Variants in INKA2 observed in about 807,000 individuals in gnomAD.
INKA2 encodes PAK4-inhibitor INKA2.
INKA2 carries 3 observed loss-of-function variants against 9.8 expected under a neutral mutation model. That is an observed-to-expected ratio of 0.31 (90% CI 0.14 to 0.79). The LOEUF is 0.79. INKA2 is among the 30% of genes least tolerant of loss of function. The pLI is 0.62. For missense variants in INKA2, 392 were observed against 384.4 expected (o/e 1.02, Z -0.17); for synonymous variants, 147 against 143.3 (o/e 1.03, Z -0.18).
intron 1 of INKA2, chr1:111,746,611 G>A (rs920175071): frequency 6.6e-6 from 1 of 152,248 alleles, no homozygotes; most frequent in African/African-American, 2.4e-5. Context: ...ATCAGGGCAT[G>A]TGGCCTCACA....
At position 111,725,390 on chromosome 1, in the gene INKA2, G is replaced by C. The variant is rs926098147; in HGVS notation, c.*1578C>G. The C allele has an allele frequency of 6.6e-6, 1 of 152,242 alleles. No homozygotes were observed. 9.4% of individuals were successfully genotyped at this position (152,242 alleles called of 1,614,324 possible). A position where few individuals can be genotyped will look rare whatever the true frequency, so the allele number is the denominator to read the frequency against. ...GTGAGTGTTCCCTACTGGAGTGGGA[G>C]GGACAGTGGCTTCCCAGGGCAGTCC... On this transcript the variant is annotated 3_prime_UTR_variant, in exon 2 of 2. Coordinates refer to ENST00000357260, the MANE Select transcript of INKA2 (RefSeq NM_019099.5).
Position 111,727,150 on chromosome 1 carries a change from G to C in INKA2, c.712C>G (p.Pro238Ala), listed in dbSNP as rs201410445. The change falls in exon 2 of 2, where the codon CCT becomes GCT. Residue 238 changes from proline (P) to alanine (A), a missense_variant. Pro to Ala is a conservative substitution (Grantham distance 27). Transcript: ENST00000357260. ...EKPGWVTPMV[P>A]ESRTGRSQKV... Reference sequence around the variant, plus strand: ...TGTGAGCGGCCGGTTCGGGACTCAGGGACCATGGGTGTCACCCAGCCTGGC... The same window carrying C: ...TGTGAGCGGCCGGTTCGGGACTCAGCGACCATGGGTGTCACCCAGCCTGGC... 5.6e-6 allele frequency: 9 copies of C among 1,614,222 alleles called. No individual in the cohort carries two copies. Among genetic ancestry groups the C allele is most frequent in the Middle Eastern group, 1.6e-4 (1 of 6,062 alleles).
rs1557905939 is a variant in INKA2, at chr1:111,723,261, A to T, written c.*3707T>A. On this transcript the variant is annotated 3_prime_UTR_variant, in exon 2 of 2. Transcript: ENST00000357260. ...TCTCCCCAACAAGGCCCTAGGGAGG[A>T]GATGGGGATGTGGAGAGGACAGAGC... 1 of 580,212 alleles carries T rather than the reference A, an allele frequency of 1.7e-6. No homozygotes were observed. Among genetic ancestry groups the T allele is most frequent in the Non-Finnish European group, 3.1e-6 (1 of 327,394 alleles). The allele number at this position is 580,212 out of a possible 1,614,324, so 35.9% of individuals were successfully genotyped here.
rs944767634 is a variant in INKA2 at position 111,722,775 on chromosome 1, A to G, written c.*4193T>C. 10 of 357,996 alleles carry G rather than the reference A, an allele frequency of 2.8e-5. No homozygotes were observed. The highest frequency in any genetic ancestry group is 4.6e-5 in the Non-Finnish European group (9 of 195,666). 22.2% of individuals were successfully genotyped at this position (357,996 alleles called of 1,614,324 possible). The stretch of plus-strand genomic sequence containing the variant: ...CCTGTGAGATATTAAATCAATATAA[A>G]TGTTTCGACAGAAGAAGAGACCAAC... On this transcript the variant is annotated 3_prime_UTR_variant, in exon 2 of 2. Coordinates refer to ENST00000357260, the MANE Select transcript of INKA2 (RefSeq NM_019099.5).
upstream of INKA2, among the ~76,000 whole-genome samples, chr1:111,742,704 C>T (rs376383378): frequency 9.8e-5 from 15 of 152,376 alleles, no homozygotes; most frequent in South Asian, 2.7e-3. Flanking sequence ...CATCCATTTT[C>T]AGGTAGAGAG....
chr1:111,746,783 G>A (rs892404391), intron 1 of INKA2: 4 of 152,176 alleles, frequency 2.6e-5, no homozygotes, highest in South Asian at 2.1e-4. Flanking sequence ...TGCAGAGGAG[G>A]AAGAGATGAG....
intron 1 of INKA2, chr1:111,755,418 T>C (rs1292893355): frequency 7.8e-6 from 4 of 513,774 alleles, no homozygotes; most frequent in South Asian, 5.4e-5. Context: ...TGGGTCCAGC[T>C]ACGTTCTGCG....
chr1:111,755,640 C>T (rs1283433855), intron 1 of INKA2: 9 of 1,604,942 alleles, frequency 5.6e-6, no homozygotes, highest in Non-Finnish European at 6.8e-6. Flanking sequence ...GGCCGAGAGG[C>T]GGGGCGGTGC....
upstream of INKA2, among the ~76,000 whole-genome samples, chr1:111,741,650 G>T (rs911850689): frequency 2.6e-5 from 4 of 152,212 alleles, no homozygotes; most frequent in Non-Finnish European, 5.9e-5. Flanking sequence ...TCCATCTCCA[G>T]TCTCCAGCAC....
At chr1:111,746,769 A>G (rs950444309) in intron 1 of INKA2, 1 of 152,184 alleles carries the variant, frequency 6.6e-6, no homozygotes, top group Non-Finnish European at 1.5e-5. Flanking sequence ...CTATTCCTCC[A>G]TTCTGCAGAG....
chr1:111,725,835 C>A lies in INKA2; in HGVS notation c.*1133G>T. The A allele has an allele frequency of 1.4e-5, 4 of 292,446 alleles. No homozygotes were observed. Among genetic ancestry groups the A allele is most frequent in the Non-Finnish European group, 6.3e-6 (1 of 159,274 alleles). The allele number at this position is 292,446 out of a possible 1,614,324, so 18.1% of individuals were successfully genotyped here. On this transcript the variant is annotated 3_prime_UTR_variant, in exon 2 of 2. Coordinates refer to ENST00000357260, the MANE Select transcript of INKA2 (RefSeq NM_019099.5). ...GCAACCTCCCTCTCCCGGGCTCAAG[C>A]AATTCTCCTGCCTCAGCCTCCCAAG...
chr1:111,735,778 T>C (rs1016720636), intron 1 of INKA2, among the ~76,000 whole-genome samples: 2 of 152,184 alleles, frequency 1.3e-5, no homozygotes, highest in Non-Finnish European at 2.9e-5. Flanking sequence ...ACCCTGGTCC[T>C]TACCCATTTG....
At chr1:111,750,036 A>G (rs1461601654) in intron 1 of INKA2, among the ~76,000 whole-genome samples, 1 of 152,262 alleles carries the variant, frequency 6.6e-6, no homozygotes, top group African/African-American at 2.4e-5. Context: ...GTTATTTATT[A>G]TGCTGCCTGG....
rs2101346552 is a variant in INKA2 at position 111,723,410 on chromosome 1, G to A, written c.*3558C>T. The A allele has an allele frequency of 2.7e-6, 1 of 371,434 alleles. No homozygotes were observed. The allele number at this position is 371,434 out of a possible 1,614,324, so 23.0% of individuals were successfully genotyped here. On this transcript the variant is annotated 3_prime_UTR_variant, in exon 2 of 2. Coordinates refer to ENST00000357260, the MANE Select transcript of INKA2 (RefSeq NM_019099.5). Reference sequence around the variant, plus strand: ...AAAGGTTGGGAAGAGAAAGGGAGGAGGGAGACCAGGCCGGCCCCACTAGCA... The same window carrying A: ...AAAGGTTGGGAAGAGAAAGGGAGGAAGGAGACCAGGCCGGCCCCACTAGCA...
At chr1:111,731,036 G>A (rs992804769) in intron 1 of INKA2, among the ~76,000 whole-genome samples, 3 of 152,186 alleles carry the variant, frequency 2.0e-5, no homozygotes, top group South Asian at 2.1e-4. Flanking sequence ...AGCCCAGGTC[G>A]GAGGTAGAGG....
chr1:111,734,433 T>C (rs1571593717), intron 1 of INKA2, among the ~76,000 whole-genome samples: 1 of 152,016 alleles, frequency 6.6e-6, no homozygotes, highest in East Asian at 2.0e-4. Context: ...CTTCAGTGTC[T>C]CTTGCCTGAC....
intron 1 of INKA2, among the ~76,000 whole-genome samples, chr1:111,732,261 C>T (rs558667200): frequency 1.3e-5 from 2 of 152,200 alleles, no homozygotes; most frequent in Admixed American, 6.5e-5. Flanking sequence ...CTCAGGTCCC[C>T]GGGCTTCCCT....
chr1:111,755,566 T>G, intron 1 of INKA2: 1 of 1,005,676 alleles, frequency 9.9e-7, no homozygotes, highest in Non-Finnish European at 1.4e-6. Flanking sequence ...ACCGGGCGCA[T>G]CACAAAGAAC....
chr1:111,750,519 C>G (rs142321408), intron 1 of INKA2, among the ~76,000 whole-genome samples: 92 of 152,274 alleles, frequency 6.0e-4, no homozygotes, highest in African/African-American at 2.1e-3. Flanking sequence ...GTACCCGTGG[C>G]TAGGCAAAGC....
Sources: allele counts gnomAD v4.1 joint callset (sites outside exome capture counted in the v4.1 genomes callset), GRCh38; gene constraint gnomAD v4.1.1; transcripts MANE v1.5; gene names NCBI Gene and HGNC (gene_info 2026-07-23, HGNC 2026-07-21).